CNTNAP4: variants seen among roughly 807,000 people sequenced by gnomAD.
CNTNAP4 encodes the protein contactin-associated protein-like 4.
A neutral mutation model predicts 148.4 loss-of-function variants in CNTNAP4; 98 were observed. The ratio of observed to expected loss-of-function variants is 0.66; its 90% confidence interval spans 0.56 to 0.78. The LOEUF (loss-of-function observed/expected upper bound fraction) is 0.78, where lower values mean the gene tolerates loss of function less well. Among genes scored for constraint, CNTNAP4 ranks in the 30% least tolerant of loss-of-function variants. The pLI is 0.00. For missense variants in CNTNAP4, 1,935 were observed against 1,565.6 expected, an observed-to-expected ratio of 1.24 and a Z score of -3.98; for synonymous variants, 730 against 565.1, an observed-to-expected ratio of 1.29 and a Z score of -4.14.
chr16:76,513,997 A>G (rs2083131512), intron 15 of CNTNAP4, among the ~76,000 whole-genome samples: 1 of 152,192 alleles, frequency 6.6e-6, no homozygotes, highest in Non-Finnish European at 1.5e-5. Flanking sequence ...CTCAAATTTT[A>G]TTGCATGATC....
At chr16:76,342,235 G>T (rs1365751319) in intron 2 of CNTNAP4, among the ~76,000 whole-genome samples, 1 of 152,082 alleles carries the variant, frequency 6.6e-6, no homozygotes, top group African/African-American at 2.4e-5. Flanking sequence ...AGCATAAAAT[G>T]CTAGAAATAT....
chr16:76,294,739 C>T (rs1305093366), intron 1 of CNTNAP4, among the ~76,000 whole-genome samples: 1 of 152,142 alleles, frequency 6.6e-6, no homozygotes, highest in African/African-American at 2.4e-5. Flanking sequence ...CTGCACATTT[C>T]ATTCATTTAT....
intron 2 of CNTNAP4, among the ~76,000 whole-genome samples, chr16:76,323,920 C>G (rs1027635547): frequency 7.9e-5 from 12 of 152,168 alleles, no homozygotes; most frequent in African/African-American, 2.9e-4. Context: ...ATGACATTAC[C>G]TCTCTTTTTT....
intron 4 of CNTNAP4, among the ~76,000 whole-genome samples, chr16:76,434,015 A>G (rs1300492552): frequency 1.3e-5 from 2 of 151,316 alleles, no homozygotes; most frequent in Non-Finnish European, 2.9e-5. Flanking sequence ...GAACTAATAT[A>G]TATATGTGTG....
rs2085303164 is a variant in CNTNAP4 at position 76,558,803 on chromosome 16, C to T, written c.*120C>T. On this transcript the variant is annotated 3_prime_UTR_variant, in exon 24 of 24. Transcript: ENST00000611870. ...GGCAGTGGGCTTGCAGCACTGCCAT[C>T]TTGCCATGTACAGGCTTGGGGTGGC... is the stretch of plus-strand genomic sequence containing the variant. 1.4e-6 allele frequency: 1 copy of T among 714,838 alleles called. No individual in the cohort carries two copies. Among genetic ancestry groups the T allele is most frequent in the Admixed American group, 3.2e-5 (1 of 31,744 alleles). 44.3% of individuals were successfully genotyped at this position (714,838 alleles called of 1,614,324 possible). A position where few individuals can be genotyped will look rare whatever the true frequency, so the allele number is the denominator to read the frequency against.
intron 14 of CNTNAP4, among the ~76,000 whole-genome samples, chr16:76,498,166 G>T (rs962056612): frequency 6.6e-6 from 1 of 152,184 alleles, no homozygotes; most frequent in Non-Finnish European, 1.5e-5. Context: ...TGAGGCAAGT[G>T]GATCACTTGA....
At chr16:76,452,861 A>G in intron 8 of CNTNAP4, 92 bp downstream of exon 8, 1 of 1,150,528 alleles carries the variant, frequency 8.7e-7, no homozygotes, top group Non-Finnish European at 1.2e-6. Flanking sequence ...AAAATGTAAT[A>G]TTTGCTTAAT....
At chr16:76,289,191 A>T (rs1019882126) in intron 1 of CNTNAP4, among the ~76,000 whole-genome samples, 13 of 152,186 alleles carry the variant, frequency 8.5e-5, no homozygotes, top group Admixed American at 3.3e-4. Context: ...TTGGAACAGC[A>T]TCAGCTACTT....
At chr16:76,420,279 A>ATATTAGAATAATGTATATTCTGTAG (rs1324649016) in intron 3 of CNTNAP4, among the ~76,000 whole-genome samples, 580 of 150,062 alleles carry the variant, frequency 3.9e-3, no homozygotes, top group Non-Finnish European at 5.4e-3. Context: ...TATAGGAGAT[A>ATATTAGAATAATGTATATTCTGTAG]AATATTAATT....
At chr16:76,403,571 A>G (rs993278612) in intron 3 of CNTNAP4, among the ~76,000 whole-genome samples, 2 of 152,200 alleles carry the variant, frequency 1.3e-5, no homozygotes, top group African/African-American at 4.8e-5. Context: ...GTTGCAGAGA[A>G]AAGGGAACAC....
At chr16:76,424,614 C>G (rs2079314254) in intron 3 of CNTNAP4, among the ~76,000 whole-genome samples, 1 of 151,970 alleles carries the variant, frequency 6.6e-6, no homozygotes, top group African/African-American at 2.4e-5. Context: ...AAAAAATTAG[C>G]CAGCCATGGT....
intron 3 of CNTNAP4, among the ~76,000 whole-genome samples, chr16:76,355,963 C>T (rs1388123072): frequency 6.6e-6 from 1 of 151,892 alleles, no homozygotes; most frequent in Non-Finnish European, 1.5e-5. Flanking sequence ...CAACCTCTGC[C>T]TCCCGGGTTC....
intron 1 of CNTNAP4, among the ~76,000 whole-genome samples, chr16:76,298,486 A>ATGTGTGTGTGTGTGTGTGTG (rs3975398): frequency 1.5e-5 from 2 of 129,390 alleles, no homozygotes; most frequent in African/African-American, 6.1e-5. Flanking sequence ...GTGTACATGT[A>ATGTGTGTGTGTGTGTGTGTG]TGTGTGTGTG....
chr16:76,407,135 T>G lies in CNTNAP4; in HGVS notation c.391-20317T>G, dbSNP rs892644772. 5.3e-5 allele frequency among the ~76,000 whole-genome samples: 8 copies of G among 152,242 alleles called. No homozygotes were observed. In the South Asian group the frequency reaches 1.5e-3, roughly 28 times the overall value. On this transcript the variant is annotated intron_variant, in intron 3 of 23. Coordinates refer to ENST00000611870, the MANE Select transcript of CNTNAP4 (RefSeq NM_033401.5). ...TGCTCATTTACCATTCTGAAAATCC[T>G]AGGACACGTAAGAATTATGCTAAAT... is the stretch of plus-strand genomic sequence containing the variant.
intron 21 of CNTNAP4, among the ~76,000 whole-genome samples, chr16:76,545,585 TA>T (rs57344497): frequency 0.64 from 97,083 of 151,532 alleles, 31,793 homozygotes; most frequent in African/African-American, 0.8. Flanking sequence ...CTACTTACAC[TA>T]AAAAAAAATA....
At chr16:76,449,960 G>A (rs913324774) in intron 7 of CNTNAP4, 102 bp downstream of exon 7, 3 of 951,066 alleles carry the variant, frequency 3.2e-6, no homozygotes, top group African/African-American at 3.5e-5. Flanking sequence ...GGTTTTAGAG[G>A]TACTCTTATT....
intron 12 of CNTNAP4, 46 bp from the exon 13 acceptor site, chr16:76,489,640 A>T: frequency 9.4e-7 from 1 of 1,064,542 alleles, no homozygotes; most frequent in Non-Finnish European, 1.3e-6. Flanking sequence ...ACTTTTGCAG[A>T]CTAGTGATGG....
chr16:76,420,244 A>T (rs1336297364), intron 3 of CNTNAP4, among the ~76,000 whole-genome samples: 4 of 151,962 alleles, frequency 2.6e-5, no homozygotes, highest in African/African-American at 9.7e-5. Flanking sequence ...ATTCTGTAGA[A>T]TATATATTAG....
At chr16:76,556,448 G>A (rs1221962769) in intron 23 of CNTNAP4, among the ~76,000 whole-genome samples, 1 of 152,114 alleles carries the variant, frequency 6.6e-6, no homozygotes, top group Non-Finnish European at 1.5e-5. Flanking sequence ...CAAATTAAGT[G>A]CTAAATTACA....
Sources: gnomAD v4.1 joint callset for allele counts (sites outside exome capture counted in the v4.1 genomes callset) on GRCh38, gnomAD v4.1.1 for gene constraint, MANE v1.5 for transcripts, NCBI Gene and HGNC (gene_info 2026-07-23, HGNC 2026-07-21) for gene names.